Variants in SEMA3E observed in about 807,000 individuals in gnomAD.
SEMA3E encodes the protein semaphorin-3E.
SEMA3E carries 49 observed loss-of-function variants against 93.6 expected under a neutral mutation model. The observed-to-expected ratio is 0.52, with a 90% confidence interval of 0.42 to 0.66. The LOEUF (loss-of-function observed/expected upper bound fraction) is 0.66, where lower values mean the gene tolerates loss of function less well. Among genes scored for constraint, SEMA3E ranks in the 30% least tolerant of loss-of-function variants. The pLI is 0.00. For missense variants in SEMA3E, 906 were observed against 964.8 expected, an observed-to-expected ratio of 0.94 and a Z score of 0.81; for synonymous variants, 363 against 330.7, an observed-to-expected ratio of 1.10 and a Z score of -1.06.
At chr7:83,581,161 T>C (rs1392077402) in intron 1 of SEMA3E, among the ~76,000 whole-genome samples, 1 of 152,028 alleles carries the variant, frequency 6.6e-6, no homozygotes, top group Non-Finnish European at 1.5e-5. Flanking sequence ...AGCATCTGTC[T>C]AGGGATACAT....
At chr7:83,602,206 CT>C (rs1219422677) in intron 1 of SEMA3E, among the ~76,000 whole-genome samples, 1 of 152,142 alleles carries the variant, frequency 6.6e-6, no homozygotes, top group East Asian at 1.9e-4. Flanking sequence ...GTTTCCATCC[CT>C]GTCTAATCAT....
chr7:83,644,769 C>T (rs1279652480), intron 1 of SEMA3E, among the ~76,000 whole-genome samples: 2 of 151,958 alleles, frequency 1.3e-5, no homozygotes, highest in African/African-American at 4.8e-5. Context: ...CTAATTAACA[C>T]TCTATCACAA....
intron 4 of SEMA3E, among the ~76,000 whole-genome samples, chr7:83,438,635 A>G: frequency 6.6e-6 from 1 of 152,066 alleles, no homozygotes; most frequent in Admixed American, 6.6e-5. Flanking sequence ...TATGCACTGC[A>G]TGATAAGGCA....
chr7:83,471,649 GT>G (rs747022245), intron 2 of SEMA3E, among the ~76,000 whole-genome samples: 6 of 152,054 alleles, frequency 3.9e-5, no homozygotes, highest in South Asian at 2.1e-4. Flanking sequence ...GGATTTTTTT[GT>G]TTGTTTGTTT....
chr7:83,620,960 C>T (rs1330125993), intron 1 of SEMA3E, among the ~76,000 whole-genome samples: 3 of 152,116 alleles, frequency 2.0e-5, no homozygotes, highest in African/African-American at 4.8e-5. Flanking sequence ...TCTCTCACCA[C>T]TCTTAGTCAA....
At chr7:83,565,487 A>G (rs1365313479) in intron 1 of SEMA3E, among the ~76,000 whole-genome samples, 1 of 152,180 alleles carries the variant, frequency 6.6e-6, no homozygotes, top group Non-Finnish European at 1.5e-5. Context: ...AAACCTGCAC[A>G]TTCTGCACAT....
At chr7:83,586,906 C>A (rs988474561) in intron 1 of SEMA3E, among the ~76,000 whole-genome samples, 2 of 152,042 alleles carry the variant, frequency 1.3e-5, no homozygotes, top group African/African-American at 4.8e-5. Context: ...CAGTAAATGA[C>A]AAGTACACAG....
chr7:83,615,787 C>T (rs144580555), intron 1 of SEMA3E, among the ~76,000 whole-genome samples: 18 of 152,062 alleles, frequency 1.2e-4, no homozygotes, highest in African/African-American at 3.9e-4. Context: ...GTGGAAGAAG[C>T]GTGGGGGAGT....
intron 4 of SEMA3E, among the ~76,000 whole-genome samples, chr7:83,454,272 AATAT>A (rs71534491): frequency 0.027 from 3,011 of 109,536 alleles, 85 homozygotes; most frequent in Middle Eastern, 0.064. Context: ...AAAAAAAAAA[AATAT>A]ATATATATAT....
intron 10 of SEMA3E, 110 bp downstream of exon 10, chr7:83,402,522 G>A (rs1268656976): frequency 3.2e-6 from 3 of 925,766 alleles, no homozygotes; most frequent in East Asian, 2.6e-5. Context: ...CATACTTTTA[G>A]GTATAGTATT....
chr7:83,531,284 GTTTT>G (rs34372992), intron 1 of SEMA3E, among the ~76,000 whole-genome samples: 1 of 80,616 alleles, frequency 1.2e-5, no homozygotes, highest in Non-Finnish European at 3.3e-5. Flanking sequence ...AAAATTCATA[GTTTT>G]TTTTTTTTTA....
intron 1 of SEMA3E, among the ~76,000 whole-genome samples, chr7:83,502,396 G>T (rs1320156282): frequency 6.6e-6 from 1 of 152,004 alleles, no homozygotes; most frequent in Non-Finnish European, 1.5e-5. Flanking sequence ...CCTCTTGGTT[G>T]CCTACCTCAG....
At chr7:83,469,398 C>CTTTTTTTTT (rs10650403) in intron 2 of SEMA3E, 96 bp from the exon 3 acceptor site, 14 of 599,890 alleles carry the variant, frequency 2.3e-5, no homozygotes, top group African/African-American at 4.0e-5. Flanking sequence ...AAAACATTTC[C>CTTTTTTTTT]TTTTTTTTTT....
chr7:83,378,505 G>A (rs1010387397), intron 16 of SEMA3E, among the ~76,000 whole-genome samples: 5 of 151,654 alleles, frequency 3.3e-5, no homozygotes, highest in African/African-American at 9.7e-5. Flanking sequence ...TTTGTCATTC[G>A]AATATTTTGG....
At chr7:83,523,137 C>T (rs1791083020) in intron 1 of SEMA3E, among the ~76,000 whole-genome samples, 1 of 152,096 alleles carries the variant, frequency 6.6e-6, no homozygotes, top group African/African-American at 2.4e-5. Flanking sequence ...AAATGAGCAT[C>T]AGAGATTCAT....
intron 1 of SEMA3E, among the ~76,000 whole-genome samples, chr7:83,568,841 C>A (rs1288374897): frequency 6.6e-6 from 1 of 152,068 alleles, no homozygotes; most frequent in Non-Finnish European, 1.5e-5. Flanking sequence ...TTTTACTCTT[C>A]CTAGTCAACA....
chr7:83,562,392 G>A (rs1281019679), intron 1 of SEMA3E, among the ~76,000 whole-genome samples: 1 of 151,978 alleles, frequency 6.6e-6, no homozygotes, highest in African/African-American at 2.4e-5. Flanking sequence ...CTGCCAAGAG[G>A]CACTCAGAAT....
chr7:83,484,197 G>A (rs2115954300), intron 2 of SEMA3E, among the ~76,000 whole-genome samples: 1 of 152,120 alleles, frequency 6.6e-6, no homozygotes, highest in East Asian at 1.9e-4. Flanking sequence ...CCACATGTGA[G>A]GAAAATATTT....
chr7:83,379,367 T>C (rs1480758646), intron 16 of SEMA3E, among the ~76,000 whole-genome samples: 2 of 151,844 alleles, frequency 1.3e-5, no homozygotes, highest in Admixed American at 1.3e-4. Context: ...AATATGCACC[T>C]GTAACCCCCA....
Sources: gnomAD v4.1 joint callset for allele counts (sites outside exome capture counted in the v4.1 genomes callset) on GRCh38, gnomAD v4.1.1 for gene constraint, MANE v1.5 for transcripts, NCBI Gene and HGNC (gene_info 2026-07-23, HGNC 2026-07-21) for gene names.